The following SLC9B1 variants were observed in gnomAD, a reference collection of about 807,000 sequenced individuals.
SLC9B1 encodes solute carrier family 9 member B1, also known as sodium/hydrogen exchanger 9B1.
In SLC9B1, 32 loss-of-function variants were observed where a neutral mutation model predicts 51.7. The observed-to-expected ratio is 0.62, with a 90% confidence interval of 0.47 to 0.83. The LOEUF is 0.83. Among genes scored for constraint, SLC9B1 ranks in the 40% least tolerant of loss-of-function variants. The pLI, the probability that SLC9B1 is intolerant of heterozygous loss-of-function variation, is 0.00. For missense variants in SLC9B1, 406 were observed against 613.2 expected, an observed-to-expected ratio of 0.66 and a Z score of 3.57; for synonymous variants, 145 against 212.7, an observed-to-expected ratio of 0.68 and a Z score of 2.77.
chr4:102,971,124 T>C (rs1184065065), intron 3 of SLC9B1, among the ~76,000 whole-genome samples: 1 of 152,188 alleles, frequency 6.6e-6, no homozygotes, highest in Non-Finnish European at 1.5e-5. Context: ...AACTCAGCTC[T>C]GCAACAAGCA....
chr4:102,922,900 T>G lies in SLC9B1; in HGVS notation c.829+9224A>C, dbSNP rs577711457. ...ATAGACCAATAACAGGCTCTGAAATTGAGGCAATAATTAATAGCCTACCAA... is the reference window on the plus strand; with the variant it reads ...ATAGACCAATAACAGGCTCTGAAATGGAGGCAATAATTAATAGCCTACCAA... On this transcript the variant is annotated intron_variant, in intron 7 of 11. Transcript: ENST00000296422. 1.4e-3 allele frequency among the ~76,000 whole-genome samples: 207 copies of G among 152,210 alleles called. No homozygotes were observed. In the Middle Eastern group the frequency reaches 0.017, roughly 13 times the overall value.
intron 1 of SLC9B1, among the ~76,000 whole-genome samples, chr4:103,017,947 T>C (rs1379777882): frequency 6.6e-6 from 1 of 152,214 alleles, no homozygotes; most frequent in African/African-American, 2.4e-5. Flanking sequence ...CTCACACTGG[T>C]GAGTTTACTA....
downstream of SLC9B1, chr4:102,898,185 G>A: frequency 1.9e-6 from 1 of 519,508 alleles, no homozygotes; most frequent in African/African-American, 1.9e-5. Context: ...AGACCACCAA[G>A]CTAAAGAGGC....
At chr4:102,916,322 T>C (rs1366534751) in intron 7 of SLC9B1, among the ~76,000 whole-genome samples, 1 of 152,068 alleles carries the variant, frequency 6.6e-6, no homozygotes, top group Non-Finnish European at 1.5e-5. Flanking sequence ...TTAAGTCAAA[T>C]AATAGCACAA....
In SLC9B1 at chr4:102,885,868, G is replaced by A. The variant is rs1358431954; in HGVS notation, c.1333-540C>T. On this transcript the variant is annotated intron_variant, in intron 11 of 11. Coordinates refer to the SLC9B1 transcript ENST00000394789. ...CATCCACATTACATATCTTTGAGAA[G>A]TGAGATGATATATGTAAACTGCTTT... 3.9e-5 allele frequency among the ~76,000 whole-genome samples: 6 copies of A among 152,148 alleles called. No individual in the cohort carries two copies. In the East Asian group the frequency reaches 1.2e-3, roughly 29 times the overall value.
intron 5 of SLC9B1, among the ~76,000 whole-genome samples, chr4:102,945,630 C>T (rs1014267841): frequency 1.3e-5 from 2 of 151,942 alleles, no homozygotes; most frequent in African/African-American, 4.8e-5. Flanking sequence ...ATAATAGTGT[C>T]CTATTAGTGT....
At chr4:102,991,855 T>A (rs1739954842) in intron 1 of SLC9B1, 143 bp from the exon 2 acceptor site, 3 of 533,054 alleles carry the variant, frequency 5.6e-6, no homozygotes, top group South Asian at 5.9e-5. Flanking sequence ...ATCTTTATAG[T>A]CAACATAGAT....
At chr4:103,014,610 TTC>T (rs1480977424) in intron 1 of SLC9B1, among the ~76,000 whole-genome samples, 21 of 152,218 alleles carry the variant, frequency 1.4e-4, no homozygotes, top group African/African-American at 4.6e-4. Context: ...TCATAATCAT[TTC>T]TGAGTTATTT....
chr4:102,943,504 T>TACACACACACACAC (rs1319877290), intron 6 of SLC9B1, among the ~76,000 whole-genome samples: 742 of 71,980 alleles, frequency 0.01, 6 homozygotes, highest in South Asian at 0.028. Flanking sequence ...TATGTGTATG[T>TACACACACACACAC]ATACACACAC....
Position 103,019,074 on chromosome 4 carries a change from C to A in SLC9B1, c.-2+525G>T, listed in dbSNP as rs533659190. On this transcript the variant is annotated intron_variant, in intron 1 of 11. Coordinates refer to ENST00000296422, the MANE Select transcript of SLC9B1 (RefSeq NM_139173.4). The stretch of plus-strand genomic sequence containing the variant: ...TCTTCCATGAAACTGATCCCTGGTG[C>A]CAAAAAGGTTGGGGACTGCTGGAAG... 1.2e-4 allele frequency among the ~76,000 whole-genome samples: 19 copies of A among 152,226 alleles called. No individual in the cohort carries two copies. In the East Asian group the frequency reaches 2.5e-3, roughly 20 times the overall value.
chr4:102,977,053 G>A (rs943771230), intron 3 of SLC9B1, among the ~76,000 whole-genome samples: 4 of 152,088 alleles, frequency 2.6e-5, no homozygotes, highest in Admixed American at 6.6e-5. Context: ...AGTAGGCTGA[G>A]GCAGGAGGAT....
Position 102,949,535 on chromosome 4 carries a change from T to C in SLC9B1, c.212-108A>G, listed in dbSNP as rs181676807. 7,168 of 776,504 alleles carry C rather than the reference T, an allele frequency of 9.2e-3. 50 individuals are homozygous for C. The highest frequency in any genetic ancestry group is 0.011 in the Non-Finnish European group (5,687 of 533,078). The allele number at this position is 776,504 out of a possible 1,614,324, so 48.1% of individuals were successfully genotyped here. On this transcript the variant is annotated intron_variant, in intron 3 of 11. Transcript: ENST00000296422. ...TATACTAATAGCCAGTTTTATAAAA[T>C]GATACATGGTATAGATCAACATTGC... is the stretch of plus-strand genomic sequence containing the variant.
Position 102,986,354 on chromosome 4 carries a change from T to C in SLC9B1, c.211+3446A>G, listed in dbSNP as rs117341138. ...AGAAGTTGGATGTAATTCTTACCTT[T>C]GCTCTTTTATGGGTAGTTTTACCTC... On this transcript the variant is annotated intron_variant, in intron 3 of 11. Transcript: ENST00000296422. 2.6e-5 allele frequency among the ~76,000 whole-genome samples: 4 copies of C among 152,220 alleles called. No individual in the cohort carries two copies. The East Asian group carries it at 7.7e-4, about 29-fold the overall frequency.
chr4:102,982,337 T>C (rs1739404293), intron 3 of SLC9B1, among the ~76,000 whole-genome samples: 1 of 152,118 alleles, frequency 6.6e-6, no homozygotes, highest in South Asian at 2.1e-4. Context: ...TTGGGTAATG[T>C]CAGTTCTCTG....
At position 102,989,904 on chromosome 4, in the gene SLC9B1, G is replaced by A. The variant is rs148912166; in HGVS notation, c.107C>T (p.Thr36Ile). 6.3e-7 allele frequency: 1 copy of A among 1,594,268 alleles called. No homozygotes were observed. Among genetic ancestry groups the A allele is most frequent in the South Asian group, 1.1e-5 (1 of 89,456 alleles). The change falls in exon 3 of 12, where the codon ACT (threonine) becomes ATT (isoleucine). Residue 36 changes from threonine to isoleucine, a missense_variant. Transcript: ENST00000296422. ...TTCTGTATCTGATAAGACAGTTTTA[G>A]TTTCTTCCTGTGCAGTATTATTAGG... ...IDPNNTAQEE[T>I]KTVLSDTEEI...
chr4:102,910,684 T>A (rs1735297350), intron 8 of SLC9B1, 96 bp from the exon 9 acceptor site: 1 of 519,564 alleles, frequency 1.9e-6, no homozygotes, highest in Admixed American at 4.7e-5. Context: ...TCTGATATTA[T>A]GTCTTTAAAT....
In SLC9B1 at chr4:103,019,504, C is replaced by G. The variant is rs180998786; in HGVS notation, c.-2+95G>C. ...CCATTGAACTGAGGGGGAGGAAAGG[C>G]CCTCCTGCGGCCTACCGCAAGGAAA... On this transcript the variant is annotated intron_variant, in intron 1 of 11. Transcript: ENST00000296422. The G allele has an allele frequency of 1.3e-4, 107 of 848,088 alleles. No individual in the cohort carries two copies. The African/African-American group carries it at 1.3e-3, about 10-fold the overall frequency. The allele number at this position is 848,088 out of a possible 1,614,324, so 52.5% of individuals were successfully genotyped here. A position where few individuals can be genotyped will look rare whatever the true frequency, so the allele number is the denominator to read the frequency against.
intron 3 of SLC9B1, among the ~76,000 whole-genome samples, chr4:102,955,872 AG>A (rs1737771352): frequency 1.4e-5 from 2 of 140,112 alleles, no homozygotes; most frequent in African/African-American, 5.8e-5. Flanking sequence ...AAAGAAAGAA[AG>A]AAAGAAAGAA....
downstream of SLC9B1, among the ~76,000 whole-genome samples, chr4:102,896,011 T>C (rs966816080): frequency 6.6e-6 from 1 of 152,184 alleles, no homozygotes; most frequent in Non-Finnish European, 1.5e-5. Context: ...ACATGCAGAT[T>C]TGTAGGCATT....
Sources: gnomAD v4.1 joint callset for allele counts (sites outside exome capture counted in the v4.1 genomes callset) on GRCh38, gnomAD v4.1.1 for gene constraint, MANE v1.5 for transcripts, NCBI Gene and HGNC (gene_info 2026-07-23, HGNC 2026-07-21) for gene names.